FBXL7: variants seen among roughly 807,000 people sequenced by gnomAD.
FBXL7 encodes F-box and leucine rich repeat protein 7.
A neutral mutation model predicts 38.3 loss-of-function variants in FBXL7; 12 were observed. That is an observed-to-expected ratio of 0.31 (90% CI 0.20 to 0.51). The LOEUF (loss-of-function observed/expected upper bound fraction) is 0.51, where lower values mean the gene tolerates loss of function less well. Ranked by LOEUF, FBXL7 falls within the 20% of genes least tolerant of loss-of-function variation. The probability of loss-of-function intolerance (pLI) is 0.98; values close to 1 mark genes in which losing one functional copy is unlikely to be tolerated. For synonymous variants in FBXL7, 297 were observed against 300.9 expected (o/e 0.99, Z 0.13); for missense variants, 567 against 676.4 (o/e 0.84, Z 1.79).
intron 2 of FBXL7, among the ~76,000 whole-genome samples, chr5:15,680,282 A>G (rs369856503): frequency 2.0e-5 from 3 of 152,320 alleles, no homozygotes; most frequent in African/African-American, 7.2e-5. Context: ...ATTTTTGGGT[A>G]AAATTCTTTT....
intron 2 of FBXL7, among the ~76,000 whole-genome samples, chr5:15,647,836 T>G (rs1172377307): frequency 2.6e-5 from 4 of 152,192 alleles, no homozygotes; most frequent in Non-Finnish European, 5.9e-5. Flanking sequence ...TAAATAAATT[T>G]AGGATGAGAG....
At chr5:15,708,629 A>G (rs72732004) in intron 2 of FBXL7, among the ~76,000 whole-genome samples, 5 of 152,344 alleles carry the variant, frequency 3.3e-5, no homozygotes, top group Non-Finnish European at 7.3e-5. Context: ...AACCATTTGT[A>G]AATCTCTGAG....
chr5:15,625,936 A>T (rs927515942), intron 2 of FBXL7, among the ~76,000 whole-genome samples: 4 of 152,192 alleles, frequency 2.6e-5, no homozygotes, highest in South Asian at 2.1e-4. Flanking sequence ...AAATCTCTTA[A>T]AAAATAGTGC....
intron 2 of FBXL7, among the ~76,000 whole-genome samples, chr5:15,884,316 G>A (rs945006492): frequency 6.6e-6 from 1 of 151,744 alleles, no homozygotes; most frequent in East Asian, 1.9e-4. Flanking sequence ...TCCCAGGCTG[G>A]AGTGCAGTGG....
At chr5:15,889,538 G>A (rs1393280200) in intron 2 of FBXL7, among the ~76,000 whole-genome samples, 2 of 152,156 alleles carry the variant, frequency 1.3e-5, no homozygotes, top group Admixed American at 1.3e-4. Flanking sequence ...TGCATCAAAT[G>A]TATGCCAGTG....
At chr5:15,593,534 T>G (rs1379830201) in intron 1 of FBXL7, among the ~76,000 whole-genome samples, 1 of 151,918 alleles carries the variant, frequency 6.6e-6, no homozygotes. Context: ...AAAAAAGAAA[T>G]AAGCAGGCCT....
intron 1 of FBXL7, among the ~76,000 whole-genome samples, chr5:15,534,021 A>AT (rs1410986659): frequency 6.6e-6 from 1 of 152,072 alleles, no homozygotes; most frequent in Non-Finnish European, 1.5e-5. Context: ...TAGACTTTAC[A>AT]TTTTAGAGCA....
chr5:15,541,431 ATG>A lies in FBXL7; in HGVS notation c.37+40730_37+40731del, dbSNP rs201895168. Among the ~76,000 whole-genome samples the A allele has an allele frequency of 8.3e-3, 716 of 85,884 alleles. 23 individuals are homozygous for A. The highest frequency in any genetic ancestry group is 0.025 in the African/African-American group (523 of 20,728). The allele number at this position is 85,884 out of a possible 152,430, so 56.3% of individuals were successfully genotyped here. The stretch of plus-strand genomic sequence containing the variant: ...GTGTATATATATACATATAGTATAT[ATG>A]TGTGTGTGTGTATATATATATATAT... On this transcript the variant is annotated intron_variant, in intron 1 of 3. Transcript: ENST00000504595.
chr5:15,882,108 G>A (rs1740479646), intron 2 of FBXL7, among the ~76,000 whole-genome samples: 1 of 152,126 alleles, frequency 6.6e-6, no homozygotes. Context: ...GCACCAAGGG[G>A]AATGGTGCTA....
intron 1 of FBXL7, among the ~76,000 whole-genome samples, chr5:15,558,360 C>A (rs1389204007): frequency 1.3e-5 from 2 of 152,132 alleles, no homozygotes; most frequent in African/African-American, 2.4e-5. Flanking sequence ...TTCTTTAACA[C>A]AGAAAGAATC....
intron 1 of FBXL7, among the ~76,000 whole-genome samples, chr5:15,558,342 C>T (rs1331547637): frequency 1.3e-5 from 2 of 152,210 alleles, no homozygotes; most frequent in East Asian, 3.9e-4. Flanking sequence ...TTAATCTTCA[C>T]TTCCCTTTTC....
intron 2 of FBXL7, among the ~76,000 whole-genome samples, chr5:15,838,940 A>T (rs1211352533): frequency 2.6e-5 from 4 of 152,210 alleles, no homozygotes; most frequent in Admixed American, 6.5e-5. Flanking sequence ...AGATGTATTT[A>T]TAACAGTAAC....
At chr5:15,821,873 C>A (rs150327812) in intron 2 of FBXL7, among the ~76,000 whole-genome samples, 2 of 152,226 alleles carry the variant, frequency 1.3e-5, no homozygotes, top group East Asian at 1.9e-4. Flanking sequence ...CCTTATGGTG[C>A]CTGAATTAGC....
chr5:15,896,101 T>G (rs1332576424), intron 2 of FBXL7, among the ~76,000 whole-genome samples: 1 of 151,256 alleles, frequency 6.6e-6, no homozygotes, highest in East Asian at 2.0e-4. Context: ...CTCAGCTCAC[T>G]GCAACCGCTG....
intron 1 of FBXL7, among the ~76,000 whole-genome samples, chr5:15,604,072 G>T (rs1011667266): frequency 2.0e-5 from 3 of 152,134 alleles, no homozygotes; most frequent in African/African-American, 7.2e-5. Flanking sequence ...GAAGGCAGAG[G>T]TTGCAGTAAG....
At chr5:15,579,516 G>A (rs1329525682) in intron 1 of FBXL7, among the ~76,000 whole-genome samples, 2 of 152,156 alleles carry the variant, frequency 1.3e-5, no homozygotes, top group African/African-American at 4.8e-5. Context: ...AAACAATATT[G>A]CTTTACAAAA....
chr5:15,600,615 TG>T (rs1739761591), intron 1 of FBXL7, among the ~76,000 whole-genome samples: 1 of 152,194 alleles, frequency 6.6e-6, no homozygotes. Flanking sequence ...AAATGGGCAA[TG>T]GGAGGTGGGA....
chr5:15,727,552 G>A (rs575655971), intron 2 of FBXL7, among the ~76,000 whole-genome samples: 1 of 152,236 alleles, frequency 6.6e-6, no homozygotes, highest in Admixed American at 6.5e-5. Context: ...GCCAATGGCT[G>A]TCCTCTAAAG....
chr5:15,759,316 TTAAA>T (rs1184924107), intron 2 of FBXL7, among the ~76,000 whole-genome samples: 1 of 152,190 alleles, frequency 6.6e-6, no homozygotes, highest in African/African-American at 2.4e-5. Context: ...TCCAGTCCTA[TTAAA>T]TAATTTCATT....
Sources: allele counts gnomAD v4.1 joint callset (sites outside exome capture counted in the v4.1 genomes callset), GRCh38; gene constraint gnomAD v4.1.1; transcripts MANE v1.5; gene names NCBI Gene and HGNC (gene_info 2026-07-23, HGNC 2026-07-21).